The following MLLT10 variants were observed in gnomAD, a reference collection of about 807,000 sequenced individuals.
MLLT10 encodes protein AF-10.
In MLLT10, 30 loss-of-function variants were observed where a neutral mutation model predicts 129.1. That is an observed-to-expected ratio of 0.23 (90% CI 0.17 to 0.32). MLLT10 has a LOEUF of 0.32. MLLT10 is among the 10% of genes least tolerant of loss of function. The probability of loss-of-function intolerance (pLI) is 1.00; values close to 1 mark genes in which losing one functional copy is unlikely to be tolerated. For missense variants in MLLT10, 1,119 were observed against 1,268.3 expected (o/e 0.88, Z 1.79); for synonymous variants, 490 against 446.4 (o/e 1.10, Z -1.23).
At chr10:21,568,629 T>C (rs533025004) in intron 3 of MLLT10, among the ~76,000 whole-genome samples, 2 of 152,338 alleles carry the variant, frequency 1.3e-5, no homozygotes, top group African/African-American at 2.4e-5. Context: ...TATTTTATTT[T>C]ATTTCATTTC....
chr10:21,694,650 G>T (rs2054183535), intron 13 of MLLT10, among the ~76,000 whole-genome samples: 1 of 152,148 alleles, frequency 6.6e-6, no homozygotes, highest in South Asian at 2.1e-4. Context: ...CTGTTCTGTT[G>T]ACATATCCCT....
chr10:21,547,283 G>T (rs530075304), intron 3 of MLLT10, among the ~76,000 whole-genome samples: 6 of 151,928 alleles, frequency 3.9e-5, no homozygotes, highest in Non-Finnish European at 8.8e-5. Flanking sequence ...ATGTTTTTCT[G>T]AGTCTTAATA....
At chr10:21,628,500 A>G (rs780793412) in intron 8 of MLLT10, among the ~76,000 whole-genome samples, 50 of 146,428 alleles carry the variant, frequency 3.4e-4, no homozygotes, top group South Asian at 1.1e-3. Context: ...CAGGTGTGCA[A>G]TCTTGGCTCA....
chr10:21,621,681 G>A (rs1442773741), intron 8 of MLLT10, among the ~76,000 whole-genome samples: 2 of 151,230 alleles, frequency 1.3e-5, no homozygotes, highest in Non-Finnish European at 2.9e-5. Flanking sequence ...AGGTCTACTG[G>A]GATTCCACAC....
intron 13 of MLLT10, among the ~76,000 whole-genome samples, chr10:21,710,270 T>G (rs1045064395): frequency 1.3e-5 from 2 of 152,168 alleles, no homozygotes; most frequent in Non-Finnish European, 2.9e-5. Flanking sequence ...AGTAAAATAC[T>G]TATGGGGCCA....
Position 21,739,022 on chromosome 10 carries a change from C to T in MLLT10, c.2956-1008C>T, listed in dbSNP as rs139277877. On this transcript the variant is annotated intron_variant, in intron 21 of 22. Transcript: ENST00000307729. ...ATTTCAAACATAACGTGTCCAGAAC[C>T]GAACAGCTGATCTTCCTGCACAACC... Among the ~76,000 whole-genome samples the T allele has an allele frequency of 5.7e-3, 870 of 152,264 alleles. 6 individuals are homozygous for T. Among genetic ancestry groups the T allele is most frequent in the African/African-American group, 0.019 (804 of 41,550 alleles).
chr10:21,695,367 G>A (rs1191944207), intron 13 of MLLT10, among the ~76,000 whole-genome samples: 3 of 152,106 alleles, frequency 2.0e-5, no homozygotes, highest in Non-Finnish European at 4.4e-5. Context: ...TTGTTTCCAA[G>A]TCAGCTAACC....
intron 8 of MLLT10, among the ~76,000 whole-genome samples, chr10:21,633,301 C>T (rs1430119230): frequency 6.6e-6 from 1 of 152,180 alleles, no homozygotes; most frequent in African/African-American, 2.4e-5. Flanking sequence ...TATTAACCAA[C>T]ATTATTATTG....
chr10:21,606,564 A>G (rs1046040846), intron 5 of MLLT10, among the ~76,000 whole-genome samples: 11 of 152,302 alleles, frequency 7.2e-5, no homozygotes, highest in African/African-American at 2.4e-4. Flanking sequence ...AAAGAAGTTG[A>G]TTCTGTCCTG....
chr10:21,693,730 C>T (rs2054103423), intron 13 of MLLT10, among the ~76,000 whole-genome samples: 2 of 152,192 alleles, frequency 1.3e-5, no homozygotes, highest in African/African-American at 4.8e-5. Flanking sequence ...ATTCTTTCTT[C>T]TGGAAGTTTT....
At chr10:21,590,683 G>A (rs1350788822) in intron 4 of MLLT10, among the ~76,000 whole-genome samples, 3 of 152,102 alleles carry the variant, frequency 2.0e-5, no homozygotes, top group East Asian at 3.8e-4. Context: ...GCTAGCAATG[G>A]TAGTAATTAC....
At chr10:21,681,530 T>C (rs1325341815) in intron 12 of MLLT10, among the ~76,000 whole-genome samples, 154 bp downstream of exon 12, 1 of 152,230 alleles carries the variant, frequency 6.6e-6, no homozygotes, top group Non-Finnish European at 1.5e-5. Flanking sequence ...AAAGATAATG[T>C]ACTGCTTTGT....
intron 6 of MLLT10, among the ~76,000 whole-genome samples, chr10:21,613,647 AT>A (rs2044899949): frequency 6.6e-6 from 1 of 151,088 alleles, no homozygotes; most frequent in African/African-American, 2.5e-5. Context: ...TACGCCTGTA[AT>A]CCCCAGCACT....
intron 13 of MLLT10, among the ~76,000 whole-genome samples, chr10:21,687,873 T>C (rs2053459636): frequency 6.6e-6 from 1 of 152,234 alleles, no homozygotes; most frequent in African/African-American, 2.4e-5. Context: ...TGAAATCTTA[T>C]GGGCAGGGTT....
intron 9 of MLLT10, among the ~76,000 whole-genome samples, chr10:21,662,480 T>C (rs2050311084): frequency 1.3e-5 from 2 of 152,214 alleles, no homozygotes; most frequent in African/African-American, 4.8e-5. Flanking sequence ...GATTTTTTTC[T>C]TGAGTTGTGT....
At chr10:21,641,135 A>C (rs1362119626) in intron 8 of MLLT10, among the ~76,000 whole-genome samples, 5 of 152,226 alleles carry the variant, frequency 3.3e-5, no homozygotes, top group Admixed American at 1.3e-4. Context: ...GGAAATGTCT[A>C]GTTACCTGCC....
chr10:21,693,908 G>A (rs970419611), intron 13 of MLLT10, among the ~76,000 whole-genome samples: 1 of 152,092 alleles, frequency 6.6e-6, no homozygotes, highest in Non-Finnish European at 1.5e-5. Context: ...AGACTATTGA[G>A]TGAAGAATTT....
chr10:21,596,062 A>G (rs2042990578), intron 5 of MLLT10, among the ~76,000 whole-genome samples: 2 of 152,050 alleles, frequency 1.3e-5, no homozygotes, highest in Admixed American at 1.3e-4. Flanking sequence ...CCATCCGTGG[A>G]AGAAATTGCA....
chr10:21,687,913 A>T (rs1299909949), intron 13 of MLLT10, among the ~76,000 whole-genome samples: 1 of 152,196 alleles, frequency 6.6e-6, no homozygotes, highest in Non-Finnish European at 1.5e-5. Flanking sequence ...AAAGAATTTG[A>T]CTAATTTAAC....
Sources: gnomAD v4.1 joint callset for allele counts (sites outside exome capture counted in the v4.1 genomes callset) on GRCh38, gnomAD v4.1.1 for gene constraint, MANE v1.5 for transcripts, NCBI Gene and HGNC (gene_info 2026-07-23, HGNC 2026-07-21) for gene names.